Variants in ALK observed in about 807,000 individuals in gnomAD.
The protein encoded by ALK is ALK receptor tyrosine kinase, also known as ALK tyrosine kinase receptor.
Under a neutral mutation model 163.1 loss-of-function variants are expected in ALK, and 74 were observed. The ratio of observed to expected loss-of-function variants is 0.45; its 90% confidence interval spans 0.38 to 0.55. The LOEUF (loss-of-function observed/expected upper bound fraction) is 0.55. ALK is among the 20% of genes least tolerant of loss of function. The pLI is 0.00. For synonymous variants in ALK, 960 were observed against 843.2 expected, an observed-to-expected ratio of 1.14 and a Z score of -2.40; for missense variants, 2,063 against 2,105.3, an observed-to-expected ratio of 0.98 and a Z score of 0.39.
intron 4 of ALK, among the ~76,000 whole-genome samples, chr2:29,504,096 A>G (rs145317044): frequency 1.3e-5 from 2 of 152,222 alleles, no homozygotes; most frequent in African/African-American, 4.8e-5. Context: ...AGAGGAAAAC[A>G]CAGATCACAG....
intron 26 of ALK, among the ~76,000 whole-genome samples, chr2:29,200,761 G>A (rs4666173): frequency 1.2e-3 from 13 of 10,462 alleles, no homozygotes; most frequent in South Asian, 0.012. Context: ...ACGTATATAT[G>A]TATATATATA....
intron 5 of ALK, among the ~76,000 whole-genome samples, chr2:29,354,488 C>T (rs1269111460): frequency 1.3e-5 from 2 of 152,110 alleles, no homozygotes; most frequent in African/African-American, 4.8e-5. Context: ...GGGCCATGCT[C>T]ATCAGAGAAG....
chr2:29,468,990 A>T (rs1352029599), intron 4 of ALK, among the ~76,000 whole-genome samples: 1 of 152,100 alleles, frequency 6.6e-6, no homozygotes, highest in African/African-American at 2.4e-5. Context: ...GACCTTGAGC[A>T]GTAGGATATA....
At chr2:29,679,029 C>T (rs536912295) in intron 3 of ALK, among the ~76,000 whole-genome samples, 1 of 151,840 alleles carries the variant, frequency 6.6e-6, no homozygotes, top group East Asian at 1.9e-4. Context: ...AACAGTTTTG[C>T]TTCATGTGTT....
chr2:29,651,381 A>G (rs897569477), intron 3 of ALK, among the ~76,000 whole-genome samples: 1 of 152,186 alleles, frequency 6.6e-6, no homozygotes, highest in Non-Finnish European at 1.5e-5. Flanking sequence ...ACACACACAC[A>G]TATTCATACA....
intron 4 of ALK, among the ~76,000 whole-genome samples, chr2:29,508,104 G>A (rs1672387825): frequency 6.6e-6 from 1 of 152,150 alleles, no homozygotes; most frequent in Non-Finnish European, 1.5e-5. Flanking sequence ...CTGAGAAACT[G>A]CCACCCTACA....
At chr2:29,666,978 A>G (rs1320996951) in intron 3 of ALK, among the ~76,000 whole-genome samples, 1 of 151,850 alleles carries the variant, frequency 6.6e-6, no homozygotes, top group Non-Finnish European at 1.5e-5. Context: ...ACTCAACATA[A>G]CTGTCTTCAG....
intron 12 of ALK, among the ~76,000 whole-genome samples, chr2:29,250,192 C>T (rs1422296574): frequency 1.3e-5 from 2 of 152,200 alleles, no homozygotes; most frequent in Admixed American, 1.3e-4. Flanking sequence ...CTGCCATGCT[C>T]CATGGTGGAG....
At chr2:29,710,254 T>C (rs114117068) in intron 2 of ALK, among the ~76,000 whole-genome samples, 1,537 of 152,308 alleles carry the variant, frequency 0.01, 24 homozygotes, top group African/African-American at 0.036. Flanking sequence ...TCAAGCCATG[T>C]GGAACTGTGA....
At chr2:29,344,760 T>C (rs539635948) in intron 5 of ALK, among the ~76,000 whole-genome samples, 1 of 152,312 alleles carries the variant, frequency 6.6e-6, no homozygotes, top group Non-Finnish European at 1.5e-5. Context: ...ATAACTGGGA[T>C]GTCTGAATGA....
intron 4 of ALK, among the ~76,000 whole-genome samples, chr2:29,510,581 A>G (rs144686301): frequency 1.0e-3 from 153 of 152,366 alleles, no homozygotes; most frequent in African/African-American, 3.1e-3. Flanking sequence ...CAATAATTAT[A>G]ATATGTTTGC....
In ALK at chr2:29,533,229, T is replaced by C. The variant is rs148857572; in HGVS notation, c.953-1113A>G. On this transcript the variant is annotated intron_variant, in intron 3 of 28. Coordinates refer to ENST00000389048, the MANE Select transcript of ALK (RefSeq NM_004304.5). ...TGTTGGGAAGCTTCAGCATGGCATA[T>C]AAGAAAAGTGATCTACAACTGTCAT... Among the ~76,000 whole-genome samples, 677 of 152,250 alleles carry C rather than the reference T, an allele frequency of 4.4e-3. 4 individuals are homozygous for C. Among genetic ancestry groups the C allele is most frequent in the African/African-American group, 0.015 (642 of 41,550 alleles).
intron 3 of ALK, among the ~76,000 whole-genome samples, chr2:29,559,953 A>G (rs1020697530): frequency 6.6e-6 from 1 of 152,216 alleles, no homozygotes; most frequent in Non-Finnish European, 1.5e-5. Flanking sequence ...AATGTATTAG[A>G]AGTATAATAT....
At chr2:29,380,469 A>T (rs1012009700) in intron 5 of ALK, among the ~76,000 whole-genome samples, 2 of 151,604 alleles carry the variant, frequency 1.3e-5, no homozygotes, top group African/African-American at 4.9e-5. Flanking sequence ...CCCAGGCTGG[A>T]GTGCAATGGT....
intron 3 of ALK, among the ~76,000 whole-genome samples, chr2:29,570,403 AG>A (rs1674324574): frequency 6.6e-6 from 1 of 152,236 alleles, no homozygotes; most frequent in South Asian, 2.1e-4. Flanking sequence ...GAAGCTTGGC[AG>A]GTGTGCCCAG....
intron 1 of ALK, among the ~76,000 whole-genome samples, chr2:29,784,760 C>A (rs1663961116): frequency 6.6e-6 from 1 of 152,068 alleles, no homozygotes; most frequent in African/African-American, 2.4e-5. Context: ...GTTCAGACTG[C>A]TAATTATTTG....
chr2:29,309,027 C>T (rs764525804), intron 8 of ALK, among the ~76,000 whole-genome samples: 1 of 152,036 alleles, frequency 6.6e-6, no homozygotes, highest in Non-Finnish European at 1.5e-5. Context: ...GGCAAACGGC[C>T]TCCTCTGTGT....
chr2:29,859,035 A>C (rs201918919), intron 1 of ALK, among the ~76,000 whole-genome samples: 1 of 150,678 alleles, frequency 6.6e-6, no homozygotes, highest in African/African-American at 2.4e-5. Context: ...TCTGTCTCAA[A>C]AAACAAACAA....
Position 29,920,477 on chromosome 2 carries a change from G to T in ALK, c.183C>A (p.Pro61=). Residue 61 remains proline (P), a synonymous_variant, in exon 1 of 29, where the codon CCC becomes CCA. Coordinates refer to ENST00000389048, the MANE Select transcript of ALK (RefSeq NM_004304.5). ...RKSLAVDFVV[P]SLFRVYARDL... ...CCCGGGCGTAGACACGGAAGAGCGA[G>T]GGCACCACGAAGTCAACTGCCAGAC... 1 of 1,613,000 alleles carries T rather than the reference G, an allele frequency of 6.2e-7. No homozygotes were observed. Among genetic ancestry groups the T allele is most frequent in the South Asian group, 1.1e-5 (1 of 90,954 alleles).
Sources: allele counts gnomAD v4.1 joint callset (sites outside exome capture counted in the v4.1 genomes callset), GRCh38; gene constraint gnomAD v4.1.1; transcripts MANE v1.5; gene names NCBI Gene and HGNC (gene_info 2026-07-23, HGNC 2026-07-21).